The following NDUFAF5 variants were observed in gnomAD, a reference collection of about 807,000 sequenced individuals.
NDUFAF5 encodes NADH:ubiquinone oxidoreductase complex assembly factor 5, also known as arginine-hydroxylase NDUFAF5, mitochondrial.
NDUFAF5 carries 34 observed loss-of-function variants against 48.9 expected under a neutral mutation model. The ratio of observed to expected loss-of-function variants is 0.70; its 90% CI spans 0.53 to 0.93. NDUFAF5 has a LOEUF of 0.93. Among genes scored for constraint, NDUFAF5 ranks in the 40% least tolerant of loss-of-function variants. The pLI is 0.00. For missense variants in NDUFAF5, 428 were observed against 427.5 expected, an observed-to-expected ratio of 1.00 and a Z score of -0.01; for synonymous variants, 153 against 150.6, an observed-to-expected ratio of 1.02 and a Z score of -0.12.
rs200215603 is a variant in NDUFAF5 at position 13,814,057 on chromosome 20, CTGTT to C, written c.779-2396_779-2393del. On this transcript the variant is annotated intron_variant, in intron 8 of 10. Coordinates refer to ENST00000378106, the MANE Select transcript of NDUFAF5 (RefSeq NM_024120.5). ...GAAGACTAGAGCTAACATGGTTAAT[CTGTT>C]TGTTTGTTTTTTTTTAATGTGTGAG... 726 of 214,942 alleles carry C rather than the reference CTGTT, an allele frequency of 3.4e-3. 6 individuals carry two copies. The highest frequency in any genetic ancestry group is 0.016 in the African/African-American group (679 of 42,822). The allele number at this position is 214,942 out of a possible 1,614,324, so 13.3% of individuals were successfully genotyped here.
chr20:13,794,438 T>G (rs776546187), intron 4 of NDUFAF5, among the ~76,000 whole-genome samples: 1 of 152,004 alleles, frequency 6.6e-6, no homozygotes, highest in Non-Finnish European at 1.5e-5. Flanking sequence ...TGCCACCACG[T>G]CCAGCTAATT....
chr20:13,800,714 A>G (rs1173261303), intron 6 of NDUFAF5, among the ~76,000 whole-genome samples: 1 of 152,224 alleles, frequency 6.6e-6, no homozygotes, highest in Non-Finnish European at 1.5e-5. Flanking sequence ...TTGATGGCTT[A>G]AAACAACAAC....
At chr20:13,787,912 G>A (rs2147481140) in intron 2 of NDUFAF5, among the ~76,000 whole-genome samples, 1 of 151,750 alleles carries the variant, frequency 6.6e-6, no homozygotes, top group East Asian at 1.9e-4. Context: ...TAAACCTATG[G>A]CCTACAATTA....
chr20:13,810,337 G>C (rs546263177), intron 8 of NDUFAF5, among the ~76,000 whole-genome samples: 11 of 152,322 alleles, frequency 7.2e-5, no homozygotes, highest in African/African-American at 2.6e-4. Flanking sequence ...TCAAAACAAA[G>C]GGAGCACTTA....
chr20:13,796,714 C>G (rs750594104), intron 5 of NDUFAF5, among the ~76,000 whole-genome samples: 5 of 152,190 alleles, frequency 3.3e-5, no homozygotes, highest in Middle Eastern at 3.2e-3. Context: ...CACGGTGGCT[C>G]ACGCCTATAA....
intron 1 of NDUFAF5, 107 bp downstream of exon 1, chr20:13,785,397 C>A: frequency 1.1e-6 from 1 of 933,288 alleles, no homozygotes; most frequent in Non-Finnish European, 1.6e-6. Flanking sequence ...GCCGTCTGAC[C>A]TTGACCAGCA....
intron 5 of NDUFAF5, 79 bp from the exon 6 acceptor site, chr20:13,798,382 G>A (rs1983576400): frequency 2.0e-6 from 2 of 1,023,370 alleles, no homozygotes; most frequent in Admixed American, 1.7e-5. Context: ...CTTTTTATGG[G>A]TTATCATTAA....
intron 7 of NDUFAF5, among the ~76,000 whole-genome samples, chr20:13,807,116 G>A (rs986937462): frequency 1.3e-5 from 2 of 150,826 alleles, no homozygotes; most frequent in East Asian, 3.9e-4. Context: ...GCGTGATCTC[G>A]GCTCACTGCA....
rs1179491672 is a variant in NDUFAF5 at position 13,821,222 on chromosome 20, T to C, written c.*4012T>C. The C allele has an allele frequency of 1.3e-5, 2 of 152,226 alleles. No homozygotes were observed. Among genetic ancestry groups the C allele is most frequent in the Non-Finnish European group, 2.9e-5 (2 of 68,046 alleles). 9.4% of individuals were successfully genotyped at this position (152,226 alleles called of 1,614,324 possible). A position where few individuals can be genotyped will look rare whatever the true frequency, so the allele number is the denominator to read the frequency against. On this transcript the variant is annotated 3_prime_UTR_variant, in exon 11 of 11. Transcript: ENST00000378106. ...TTCCCCTCTAAGTACAGGCTGAGTT[T>C]AGTGATTCCCTTCCAACAAATAGAT... is the stretch of plus-strand genomic sequence containing the variant.
At position 13,818,476 on chromosome 20, in the gene NDUFAF5, TGAAG is replaced by T. The variant is rs1600402061; in HGVS notation, c.*1267_*1270del. ...TTTTTTTAGCTTAATTTTCAGAACTTGAAGAGAGAGAACAACAACAAAAAACAAA... is the reference window on the plus strand; with the variant it reads ...TTTTTTTAGCTTAATTTTCAGAACTTAGAGAGAACAACAACAAAAAACAAA... On this transcript the variant is annotated 3_prime_UTR_variant, in exon 11 of 11. Coordinates refer to ENST00000378106, the MANE Select transcript of NDUFAF5 (RefSeq NM_024120.5). 8.7e-6 allele frequency: 3 copies of T among 342,900 alleles called. No individual in the cohort carries two copies. Among genetic ancestry groups the T allele is most frequent in the East Asian group, 1.6e-4 (2 of 12,796 alleles). The allele number at this position is 342,900 out of a possible 1,614,324, so 21.2% of individuals were successfully genotyped here.
At position 13,788,554 on chromosome 20, in the gene NDUFAF5, T is replaced by A. The variant is rs992347816; in HGVS notation, c.264-35T>A. 7 of 1,482,286 alleles carry A rather than the reference T, an allele frequency of 4.7e-6. No homozygotes were observed. The Admixed American group carries it at 1.2e-4, about 25-fold the overall frequency. The allele number at this position is 1,482,286 out of a possible 1,614,324, so 91.8% of individuals were successfully genotyped here. On this transcript the variant is annotated intron_variant, in intron 2 of 10. Transcript: ENST00000378106. ...AATTCTTAATTTATAGACTGTGTTA[T>A]GGACAGAGCATAACCTCTGTGTCTT... is the stretch of plus-strand genomic sequence containing the variant.
rs377292107 is a variant in NDUFAF5 at position 13,818,373 on chromosome 20, C to T, written c.*1163C>T. 8.3e-6 allele frequency: 3 copies of T among 361,596 alleles called. No individual in the cohort carries two copies. Among genetic ancestry groups the T allele is most frequent in the African/African-American group, 6.4e-5 (3 of 46,762 alleles). 22.4% of individuals were successfully genotyped at this position (361,596 alleles called of 1,614,324 possible). On this transcript the variant is annotated 3_prime_UTR_variant, in exon 11 of 11. Coordinates refer to ENST00000378106, the MANE Select transcript of NDUFAF5 (RefSeq NM_024120.5). ...ATCATCGATATTTGAAACTGGGATACGCTTGGTAGCTTTTTTGTTTTAACA... is the reference window on the plus strand; with the variant it reads ...ATCATCGATATTTGAAACTGGGATATGCTTGGTAGCTTTTTTGTTTTAACA...
chr20:13,815,765 T>C (rs1986383597), intron 8 of NDUFAF5, among the ~76,000 whole-genome samples: 1 of 152,176 alleles, frequency 6.6e-6, no homozygotes, highest in Admixed American at 6.5e-5. Flanking sequence ...TAAAATATGC[T>C]CAAAGTAAAT....
At chr20:13,789,796 G>A (rs565947833) in intron 3 of NDUFAF5, among the ~76,000 whole-genome samples, 8 of 152,288 alleles carry the variant, frequency 5.3e-5, no homozygotes, top group South Asian at 2.1e-4. Context: ...GAATTTCTAC[G>A]TAAAATCTGC....
intron 1 of NDUFAF5, among the ~76,000 whole-genome samples, chr20:13,786,123 G>A (rs1046057216): frequency 6.6e-6 from 1 of 152,152 alleles, no homozygotes; most frequent in South Asian, 2.1e-4. Flanking sequence ...TTCAGGACAC[G>A]CATTCTCAAG....
chr20:13,802,174 T>G (rs1465598421), intron 7 of NDUFAF5, among the ~76,000 whole-genome samples: 1 of 152,150 alleles, frequency 6.6e-6, no homozygotes, highest in Non-Finnish European at 1.5e-5. Context: ...GGTGCTGTAC[T>G]CCATTAGGGC....
chr20:13,802,292 G>C (rs552705449), intron 7 of NDUFAF5, among the ~76,000 whole-genome samples: 16 of 152,324 alleles, frequency 1.1e-4, no homozygotes, highest in African/African-American at 3.8e-4. Flanking sequence ...TCCGACAGGA[G>C]TAACTTGGAT....
chr20:13,791,646 C>G (rs1230111928), intron 3 of NDUFAF5, among the ~76,000 whole-genome samples: 1 of 152,202 alleles, frequency 6.6e-6, no homozygotes, highest in East Asian at 1.9e-4. Flanking sequence ...AGTTTAAACA[C>G]AGAGACATTT....
At position 13,785,261 on chromosome 20, in the gene NDUFAF5, C is replaced by T; in HGVS notation, c.193C>T (p.Pro65Ser). ...QKNWAARQPEPTKFDYLKEEV... is the reference protein window; with the variant it reads ...QKNWAARQPESTKFDYLKEEV... ...GAACTGGGCAGCCCGGCAGCCCGAG[C>T]CGACCAAATTTGACTACCTGAAGGA... is the stretch of plus-strand genomic sequence containing the variant. The change falls in exon 1 of 11, where the codon CCG (proline) becomes TCG (serine). Residue 65 changes from proline (P) to serine (S), a missense_variant. Pro to Ser is a moderately conservative substitution (Grantham distance 74, BLOSUM62 -1). Coordinates refer to ENST00000378106, the MANE Select transcript of NDUFAF5 (RefSeq NM_024120.5). The T allele has an allele frequency of 6.2e-7, 1 of 1,612,614 alleles. No homozygotes were observed. The highest frequency in any genetic ancestry group is 2.2e-5 in the East Asian group (1 of 44,846).
Sources: allele counts gnomAD v4.1 joint callset (sites outside exome capture counted in the v4.1 genomes callset), GRCh38; gene constraint gnomAD v4.1.1; transcripts MANE v1.5; gene names NCBI Gene and HGNC (gene_info 2026-07-23, HGNC 2026-07-21).